Variants in SNTB2 observed in about 807,000 individuals in gnomAD.
SNTB2 encodes beta-2-syntrophin.
A neutral mutation model predicts 46.2 loss-of-function variants in SNTB2; 34 were observed. That is an observed-to-expected ratio of 0.74 (90% confidence interval 0.56 to 0.98). The LOEUF (loss-of-function observed/expected upper bound fraction) is 0.98, where lower values mean the gene tolerates loss of function less well. SNTB2 is among the 50% of genes least tolerant of loss of function. The probability of loss-of-function intolerance (pLI) is 0.00; values close to 1 mark genes in which losing one functional copy is unlikely to be tolerated. For missense variants in SNTB2, 603 were observed against 731.4 expected (o/e 0.82, Z 2.02); for synonymous variants, 290 against 312.6 (o/e 0.93, Z 0.76).
chr16:69,262,890 G>A (rs1211103074), intron 3 of SNTB2, among the ~76,000 whole-genome samples: 1 of 151,904 alleles, frequency 6.6e-6, no homozygotes, highest in Non-Finnish European at 1.5e-5. Flanking sequence ...TGGCCAGGCT[G>A]GTGTTGAACT....
intron 5 of SNTB2, among the ~76,000 whole-genome samples, chr16:69,292,366 ATAT>A (rs1347705841): frequency 1.7e-4 from 5 of 29,236 alleles, no homozygotes; most frequent in South Asian, 1.0e-3. Context: ...ATATATATAT[ATAT>A]ATATATATAT....
rs187142371 is a variant in SNTB2, at chr16:69,289,671, C to T, written c.1345+5427C>T. On this transcript the variant is annotated intron_variant, in intron 5 of 6. Transcript: ENST00000336278. ...ATATAAAAAAGATTACACTGTGGTT[C>T]GCACCTATAATCCCAGCACTTTGGG... Among the ~76,000 whole-genome samples, 121 of 152,212 alleles carry T rather than the reference C, an allele frequency of 7.9e-4. 1 individual carries two copies. Among genetic ancestry groups the T allele is most frequent in the Non-Finnish European group, 8.7e-4 (59 of 68,012 alleles).
intron 1 of SNTB2, among the ~76,000 whole-genome samples, chr16:69,199,676 G>C (rs1202261792): frequency 6.7e-6 from 1 of 150,340 alleles, no homozygotes; most frequent in African/African-American, 2.5e-5. Context: ...GAGCAATCTA[G>C]ATTGCAGTTA....
At chr16:69,297,728 G>A (rs1305302768) in intron 5 of SNTB2, among the ~76,000 whole-genome samples, 1 of 151,748 alleles carries the variant, frequency 6.6e-6, no homozygotes, top group African/African-American at 2.4e-5. Context: ...CCTGGCCAAC[G>A]TGGTGAAACC....
chr16:69,275,292 T>G (rs1394605386), intron 4 of SNTB2, among the ~76,000 whole-genome samples: 1 of 152,214 alleles, frequency 6.6e-6, no homozygotes, highest in Non-Finnish European at 1.5e-5. Flanking sequence ...CTCAAACTCC[T>G]GGGCTCAAAC....
At chr16:69,269,959 C>G (rs1964922594) in intron 3 of SNTB2, among the ~76,000 whole-genome samples, 184 bp from the exon 4 acceptor site, 1 of 152,130 alleles carries the variant, frequency 6.6e-6, no homozygotes, top group African/African-American at 2.4e-5. Flanking sequence ...ATACACACAC[C>G]ACTTCACACC....
chr16:69,292,376 A>AT (rs1232855804), intron 5 of SNTB2, among the ~76,000 whole-genome samples: 3 of 39,608 alleles, frequency 7.6e-5, no homozygotes, highest in African/African-American at 2.3e-4. Flanking sequence ...ATATATATAT[A>AT]TATTATATAT....
chr16:69,224,716 T>C (rs1471783500), intron 1 of SNTB2, among the ~76,000 whole-genome samples: 1 of 152,176 alleles, frequency 6.6e-6, no homozygotes, highest in East Asian at 1.9e-4. Context: ...CTGGCCCTTC[T>C]CCTCCATTTA....
intron 1 of SNTB2, among the ~76,000 whole-genome samples, chr16:69,200,157 G>A (rs1027524055): frequency 3.9e-5 from 6 of 152,076 alleles, no homozygotes; most frequent in East Asian, 1.9e-4. Context: ...CTCGTGATCC[G>A]CCTGCCTCGG....
intron 4 of SNTB2, among the ~76,000 whole-genome samples, chr16:69,270,819 G>A (rs1418150800): frequency 6.6e-6 from 1 of 152,184 alleles, no homozygotes; most frequent in Non-Finnish European, 1.5e-5. Flanking sequence ...AGGGCTGAAA[G>A]GGAAAAGAAT....
Position 69,304,712 on chromosome 16 carries a change from G to A in SNTB2, c.*3788G>A, listed in dbSNP as rs1416000018. 1 of 151,698 alleles carries A rather than the reference G, an allele frequency of 6.6e-6. No homozygotes were observed. Among genetic ancestry groups the A allele is most frequent in the Non-Finnish European group, 1.5e-5 (1 of 67,960 alleles). 9.4% of individuals were successfully genotyped at this position (151,698 alleles called of 1,614,324 possible). ...AGGTTCTCACTCTGTCACCGAGGTT[G>A]GAGTGCAGTGGTATGATCATAGCTG... On this transcript the variant is annotated 3_prime_UTR_variant, in exon 7 of 7. Coordinates refer to ENST00000336278, the MANE Select transcript of SNTB2 (RefSeq NM_006750.4).
chr16:69,267,419 G>A (rs78236673), intron 3 of SNTB2, among the ~76,000 whole-genome samples: 4,733 of 152,260 alleles, frequency 0.031, 114 homozygotes, highest in Non-Finnish European at 0.048. Flanking sequence ...ATACCTAGTA[G>A]TGAACATAAA....
chr16:69,190,655 C>T (rs1237560269), intron 1 of SNTB2, among the ~76,000 whole-genome samples: 1 of 152,112 alleles, frequency 6.6e-6, no homozygotes, highest in African/African-American at 2.4e-5. Context: ...AATTGAGCTT[C>T]CCCTTTAGAA....
In SNTB2 at chr16:69,301,108, A is replaced by C; in HGVS notation, c.*184A>C. The C allele has an allele frequency of 3.7e-6, 2 of 538,450 alleles. No individual in the cohort carries two copies. Among genetic ancestry groups the C allele is most frequent in the Non-Finnish European group, 6.7e-6 (2 of 298,558 alleles). The allele number at this position is 538,450 out of a possible 1,614,324, so 33.4% of individuals were successfully genotyped here. On this transcript the variant is annotated 3_prime_UTR_variant, in exon 7 of 7. Coordinates refer to ENST00000336278, the MANE Select transcript of SNTB2 (RefSeq NM_006750.4). Reference sequence around the variant, plus strand: ...CTACCTTTCACAGTCTACCTTGGCCAGATATTCTAGCACTCTAAAAGGCTC... The same window carrying C: ...CTACCTTTCACAGTCTACCTTGGCCCGATATTCTAGCACTCTAAAAGGCTC...
intron 2 of SNTB2, among the ~76,000 whole-genome samples, chr16:69,253,227 A>C (rs984150322): frequency 1.3e-5 from 2 of 151,852 alleles, no homozygotes; most frequent in African/African-American, 4.8e-5. Flanking sequence ...GGTTTCTTCA[A>C]AGGTGGACTC....
intron 1 of SNTB2, among the ~76,000 whole-genome samples, chr16:69,201,672 CA>C (rs1166293816): frequency 6.6e-6 from 1 of 151,954 alleles, no homozygotes; most frequent in Non-Finnish European, 1.5e-5. Flanking sequence ...GAAAACAAAA[CA>C]AAAAGCCCAG....
At chr16:69,223,064 C>T (rs973990426) in intron 1 of SNTB2, among the ~76,000 whole-genome samples, 1 of 151,994 alleles carries the variant, frequency 6.6e-6, no homozygotes, top group Non-Finnish European at 1.5e-5. Flanking sequence ...TGAGCCACTG[C>T]GCCCAGCCGT....
At chr16:69,199,155 A>G (rs1470860798) in intron 1 of SNTB2, among the ~76,000 whole-genome samples, 1 of 152,152 alleles carries the variant, frequency 6.6e-6, no homozygotes, top group Non-Finnish European at 1.5e-5. Context: ...TTAGCCTGCC[A>G]AAGTGCTGGG....
intron 4 of SNTB2, among the ~76,000 whole-genome samples, 196 bp from the exon 5 acceptor site, chr16:69,283,852 G>C (rs1042800488): frequency 6.6e-6 from 1 of 152,058 alleles, no homozygotes; most frequent in Non-Finnish European, 1.5e-5. Flanking sequence ...TATCTTGTCT[G>C]ACTGTGATAC....
Sources: gnomAD v4.1 joint callset for allele counts (sites outside exome capture counted in the v4.1 genomes callset) on GRCh38, gnomAD v4.1.1 for gene constraint, MANE v1.5 for transcripts, NCBI Gene and HGNC (gene_info 2026-07-23, HGNC 2026-07-21) for gene names.